Variants in ZCWPW2 observed in about 807,000 individuals in gnomAD.
ZCWPW2 encodes the protein zinc finger CW-type and PWWP domain containing 2, also known as zinc finger CW-type PWWP domain protein 2.
In ZCWPW2, 45 loss-of-function variants were observed where a neutral mutation model predicts 46.6. The observed-to-expected ratio is 0.96, with a 90% confidence interval of 0.76 to 1.24. The LOEUF (loss-of-function observed/expected upper bound fraction) is 1.24. Among genes scored for constraint, ZCWPW2 ranks in the 50% most tolerant of loss-of-function variants. ZCWPW2 has a pLI of 0.00. For missense variants in ZCWPW2, 429 were observed against 403.9 expected (o/e 1.06, Z -0.53); for synonymous variants, 152 against 137.1 (o/e 1.11, Z -0.76).
intron 1 of ZCWPW2, among the ~76,000 whole-genome samples, chr3:28,376,919 A>G (rs73825142): frequency 0.021 from 3,126 of 152,290 alleles, 107 homozygotes; most frequent in African/African-American, 0.062. Context: ...TTATTTAACA[A>G]TATATTGTGA....
At chr3:28,445,182 C>CATATATAT (rs146210607) in intron 4 of ZCWPW2, among the ~76,000 whole-genome samples, 6 of 144,088 alleles carry the variant, frequency 4.2e-5, no homozygotes, top group African/African-American at 1.5e-4. Context: ...ATATACCTAT[C>CATATATAT]ATATATATAT....
intron 1 of ZCWPW2, among the ~76,000 whole-genome samples, chr3:28,378,783 G>A (rs1359531528): frequency 2.0e-5 from 3 of 152,210 alleles, no homozygotes; most frequent in Non-Finnish European, 4.4e-5. Context: ...TTTGACGAGT[G>A]TTCATTTAGA....
chr3:28,460,015 T>A (rs918005628), intron 4 of ZCWPW2, among the ~76,000 whole-genome samples: 6 of 152,178 alleles, frequency 3.9e-5, no homozygotes, highest in African/African-American at 1.4e-4. Flanking sequence ...ATAAACTGCT[T>A]CATTTCCTAC....
At chr3:28,466,904 A>G (rs974781011) in intron 4 of ZCWPW2, among the ~76,000 whole-genome samples, 1 of 152,224 alleles carries the variant, frequency 6.6e-6, no homozygotes, top group Non-Finnish European at 1.5e-5. Flanking sequence ...TTCTCCTTAA[A>G]TTAATTTAAA....
intron 4 of ZCWPW2, among the ~76,000 whole-genome samples, chr3:28,460,433 G>A (rs182203367): frequency 3.9e-5 from 6 of 152,138 alleles, no homozygotes; most frequent in Admixed American, 3.3e-4. Context: ...AGCAATATTT[G>A]CTTCAAGTAT....
intron 6 of ZCWPW2, among the ~76,000 whole-genome samples, chr3:28,507,555 G>T (rs1200410750): frequency 3.3e-5 from 5 of 150,724 alleles, no homozygotes; most frequent in African/African-American, 1.2e-4. Context: ...TGGCTTCTAT[G>T]AATTTATTAC....
At chr3:28,352,165 C>CGA (rs1244413712) in intron 1 of ZCWPW2, among the ~76,000 whole-genome samples, 1 of 147,584 alleles carries the variant, frequency 6.8e-6, no homozygotes, top group Non-Finnish European at 1.5e-5. Flanking sequence ...CACACACACA[C>CGA]ACGAGAGAGA....
At position 28,461,233 on chromosome 3, in the gene ZCWPW2, A is replaced by G. The variant is rs1193139392; in HGVS notation, c.493-17581A>G. The G allele has an allele frequency of 5.7e-5, 9 of 158,574 alleles. No homozygotes were observed. The Admixed American group carries it at 5.7e-4, about 10-fold the overall frequency. The allele number at this position is 158,574 out of a possible 1,614,324, so 9.8% of individuals were successfully genotyped here. A position where few individuals can be genotyped will look rare whatever the true frequency, so the allele number is the denominator to read the frequency against. On this transcript the variant is annotated intron_variant, in intron 4 of 9. Coordinates refer to ENST00000383768, the MANE Select transcript of ZCWPW2 (RefSeq NM_001040432.4). Reference sequence around the variant, plus strand: ...ATAATTTTAGATTATAGATGTTGTCATTGTACCTAGAGTGTTGTTATGAGG... The same window carrying G: ...ATAATTTTAGATTATAGATGTTGTCGTTGTACCTAGAGTGTTGTTATGAGG...
chr3:28,394,213 C>A (rs536353742), intron 2 of ZCWPW2, among the ~76,000 whole-genome samples: 21 of 151,896 alleles, frequency 1.4e-4, no homozygotes, highest in Non-Finnish European at 2.9e-4. Context: ...ATAAACTTAA[C>A]CATGGAGATG....
intron 6 of ZCWPW2, among the ~76,000 whole-genome samples, chr3:28,500,383 T>G (rs6764496): frequency 0.17 from 25,720 of 152,056 alleles, 2,622 homozygotes; most frequent in East Asian, 0.49. Context: ...TAGAGAATTT[T>G]ACATATTTCT....
intron 1 of ZCWPW2, among the ~76,000 whole-genome samples, chr3:28,368,253 C>T (rs1401742203): frequency 6.6e-6 from 1 of 152,092 alleles, no homozygotes; most frequent in Non-Finnish European, 1.5e-5. Flanking sequence ...ATGGTCTTTA[C>T]AATTTGGCAT....
intron 3 of ZCWPW2, among the ~76,000 whole-genome samples, chr3:28,413,640 G>C (rs754267226): frequency 1.3e-5 from 2 of 151,940 alleles, no homozygotes; most frequent in Non-Finnish European, 2.9e-5. Context: ...TTTTCTCCAA[G>C]TAGTGTTGTA....
intron 4 of ZCWPW2, among the ~76,000 whole-genome samples, chr3:28,474,826 T>C (rs1033887385): frequency 5.9e-5 from 9 of 151,410 alleles, no homozygotes; most frequent in Non-Finnish European, 1.3e-4. Context: ...GTTGTTGTTG[T>C]TGTTGTTGTT....
At position 28,525,914 on chromosome 3, in the gene ZCWPW2, T is replaced by C. The variant is rs1700835462; in HGVS notation, c.*1226T>C. 1.3e-5 allele frequency among the ~76,000 whole-genome samples: 2 copies of C among 152,134 alleles called. No homozygotes were observed. Among genetic ancestry groups the C allele is most frequent in the African/African-American group, 4.8e-5 (2 of 41,448 alleles). Reference sequence around the variant, plus strand: ...TTGTAAAGCCTATCTGGGTTCATATTTTACATACTAGCTTGTCTTAAGTCA... The same window carrying C: ...TTGTAAAGCCTATCTGGGTTCATATCTTACATACTAGCTTGTCTTAAGTCA... On this transcript the variant is annotated 3_prime_UTR_variant, in exon 10 of 10. Coordinates refer to ENST00000383768, the MANE Select transcript of ZCWPW2 (RefSeq NM_001040432.4).
intron 1 of ZCWPW2, among the ~76,000 whole-genome samples, chr3:28,380,129 C>G (rs1052320113): frequency 6.6e-6 from 1 of 151,946 alleles, no homozygotes; most frequent in Non-Finnish European, 1.5e-5. Context: ...ACTACAGGTG[C>G]CCACCACCAT....
At chr3:28,375,621 A>G (rs2125705569) in intron 1 of ZCWPW2, among the ~76,000 whole-genome samples, 1 of 152,192 alleles carries the variant, frequency 6.6e-6, no homozygotes, top group African/African-American at 2.4e-5. Context: ...TCAAGCATTT[A>G]TCCTTTGAGT....
chr3:28,382,915 G>A (rs1335571780), intron 1 of ZCWPW2, among the ~76,000 whole-genome samples: 1 of 152,090 alleles, frequency 6.6e-6, no homozygotes, highest in African/African-American at 2.4e-5. Context: ...TACTTGTTTT[G>A]CCTCATAATA....
rs779508858 is a variant in ZCWPW2 at position 28,413,200 on chromosome 3, A to G, written c.132A>G (p.Leu44=). 2 of 1,613,288 alleles carry G rather than the reference A, an allele frequency of 1.2e-6. No homozygotes were observed. The highest frequency in any genetic ancestry group is 1.7e-5 in the Admixed American group (1 of 59,898). The part of the protein sequence containing the change: ...ENENCLKWRL[L]SSEDSAKVDH... ...AAAATTGTTTGAAATGGAGATTGTT[A>G]TCAAGTGAGGATTCAGCCAAGGTTG... Residue 44 remains leucine, a synonymous_variant, in exon 3 of 10, where the codon TTA becomes TTG. Coordinates refer to ENST00000383768, the MANE Select transcript of ZCWPW2 (RefSeq NM_001040432.4).
chr3:28,482,886 A>G (rs551112046), intron 5 of ZCWPW2, among the ~76,000 whole-genome samples: 4 of 152,222 alleles, frequency 2.6e-5, no homozygotes, highest in Non-Finnish European at 5.9e-5. Context: ...AGTTCTTTGT[A>G]TATTTTAGAT....
Sources: allele counts gnomAD v4.1 joint callset (sites outside exome capture counted in the v4.1 genomes callset), GRCh38; gene constraint gnomAD v4.1.1; transcripts MANE v1.5; gene names NCBI Gene and HGNC (gene_info 2026-07-23, HGNC 2026-07-21).